Variants in SYVN1 observed in about 807,000 individuals in gnomAD.
SYVN1 encodes synoviolin 1.
SYVN1 carries 17 observed loss-of-function variants against 62.6 expected under a neutral mutation model. That is an observed-to-expected ratio of 0.27 (90% confidence interval 0.19 to 0.41). The LOEUF is 0.41. Ranked by LOEUF, SYVN1 falls within the 10% of genes least tolerant of loss-of-function variation. SYVN1 has a pLI of 1.00. For missense variants in SYVN1, 634 were observed against 818.0 expected (o/e 0.78, Z 2.74); for synonymous variants, 316 against 304.0 (o/e 1.04, Z -0.41).
chr11:65,130,964 C>T lies in SYVN1; in HGVS notation c.897G>A (p.Val299=), dbSNP rs1318486261. 1 of 1,614,060 alleles carries T rather than the reference C, an allele frequency of 6.2e-7. No homozygotes were observed. Among genetic ancestry groups the T allele is most frequent in the Non-Finnish European group, 8.5e-7 (1 of 1,180,002 alleles). The change falls in exon 10 of 16, where the codon GTG becomes GTA. Residue 299 remains valine (V), a synonymous_variant. Coordinates refer to ENST00000377190, the MANE Select transcript of SYVN1 (RefSeq NM_172230.3). Reference sequence around the variant, plus strand: ...TGCAGGGCAGTCTCTTGGCACCAGTCACCATCTCTTCTCGGCAGATGATGC... The same window carrying T: ...TGCAGGGCAGTCTCTTGGCACCAGTTACCATCTCTTCTCGGCAGATGATGC... ...NVCIICREEM[V]TGAKRLPCNH...
At chr11:65,130,224 T>G in intron 12 of SYVN1, 27 bp downstream of exon 12, 1 of 1,609,752 alleles carries the variant, frequency 6.2e-7, no homozygotes, top group Admixed American at 1.7e-5. Context: ...TGCCGCCCCC[T>G]GGCTGTCACA....
rs1277728488 is a variant in SYVN1 at position 65,130,170 on chromosome 11, G to A, written c.1240C>T (p.Leu414Phe). The A allele has an allele frequency of 6.2e-7, 1 of 1,605,170 alleles. No homozygotes were observed. Among genetic ancestry groups the A allele is most frequent in the Non-Finnish European group, 8.5e-7 (1 of 1,175,282 alleles). ...GTAGCTGCTCCACTGGGCCGAGAAA[G>A]GGCTGCTGAAGAGCAGGAACGAAGT... ...VAPPSTSAAA[L>F]SRPSGAATTT... The change falls in exon 13 of 16, where the codon CTT (leucine) becomes TTT (phenylalanine). Residue 414 changes from leucine (L) to phenylalanine (F), a missense_variant. Coordinates refer to ENST00000377190, the MANE Select transcript of SYVN1 (RefSeq NM_172230.3).
Position 65,128,707 on chromosome 11 carries a change from G to C in SYVN1, c.1603C>G (p.Arg535Gly), listed in dbSNP as rs562685230. 6.2e-7 allele frequency: 1 copy of C among 1,601,858 alleles called. No individual in the cohort carries two copies. Among genetic ancestry groups the C allele is most frequent in the Non-Finnish European group, 8.5e-7 (1 of 1,173,896 alleles). The change falls in exon 15 of 16, where the codon CGG becomes GGG. Residue 535 changes from arginine (R) to glycine (G), a missense_variant. Arg to Gly is a moderately radical substitution (Grantham distance 125, BLOSUM62 -2). This residue lies in a region of SYVN1 where 351 missense variants were observed against 373.3 expected (regional missense o/e 0.94). Coordinates refer to ENST00000377190, the MANE Select transcript of SYVN1 (RefSeq NM_172230.3). ...GTGGAGTTGACTGAAGTGGCAGGCC[G>C]GGGGGGCCTGGGAAGAGAAGGGACG... The part of the protein sequence containing the change: ...LTVLASLGPP[R>G]PATSVNSTEE...
At chr11:65,132,008 C>T (rs2137249237) in intron 6 of SYVN1, among the ~76,000 whole-genome samples, 1 of 152,244 alleles carries the variant, frequency 6.6e-6, no homozygotes, top group Middle Eastern at 3.4e-3. Flanking sequence ...GCACGAGCCT[C>T]CAGGAACCCT....
chr11:65,128,292 A>C lies in SYVN1; in HGVS notation c.*90T>G. ...AGCTGGGGGTACTACTCCCTGGTGC[A>C]GACAGAGAGGGAGCTGGCACTTGGT... On this transcript the variant is annotated 3_prime_UTR_variant, in exon 16 of 16. Transcript: ENST00000377190. 1 of 1,075,822 alleles carries C rather than the reference A, an allele frequency of 9.3e-7. No individual in the cohort carries two copies. Among genetic ancestry groups the C allele is most frequent in the Non-Finnish European group, 1.4e-6 (1 of 725,176 alleles). The allele number at this position is 1,075,822 out of a possible 1,614,324, so 66.6% of individuals were successfully genotyped here. A position where few individuals can be genotyped will look rare whatever the true frequency, so the allele number is the denominator to read the frequency against.
At position 65,130,074 on chromosome 11, in the gene SYVN1, G is replaced by A; in HGVS notation, c.1336C>T (p.Pro446Ser). The A allele has an allele frequency of 1.9e-6, 3 of 1,609,060 alleles. No individual in the cohort carries two copies. Among genetic ancestry groups the A allele is most frequent in the Non-Finnish European group, 2.5e-6 (3 of 1,177,372 alleles). Residue 446 changes from proline to serine, a missense_variant, in exon 13 of 16, where the codon CCA becomes TCA. Coordinates refer to ENST00000377190, the MANE Select transcript of SYVN1 (RefSeq NM_172230.3). The part of the protein sequence containing the change: ...TASGPGSGSA[P>S]EAGPAPGFPF... Reference sequence around the variant, plus strand: ...AAACCAGGGGCAGGGCCAGCCTCTGGGGCAGAGCCAGAGCCTGGGCCAGAT... The same window carrying A: ...AAACCAGGGGCAGGGCCAGCCTCTGAGGCAGAGCCAGAGCCTGGGCCAGAT...
chr11:65,128,518 T>C (rs768150622), intron 15 of SYVN1, 30 bp from the exon 16 acceptor site: 3 of 1,613,296 alleles, frequency 1.9e-6, no homozygotes, highest in Non-Finnish European at 1.7e-6. Flanking sequence ...AAGTGGAACC[T>C]AGAGAAGTTC....
intron 7 of SYVN1, 23 bp downstream of exon 7, chr11:65,131,447 G>T (rs1341904821): frequency 1.2e-6 from 2 of 1,613,872 alleles, no homozygotes; most frequent in African/African-American, 2.7e-5. Context: ...GTCCAGATCA[G>T]GAGAGGCCCA....
At chr11:65,131,087 ACC>A in intron 9 of SYVN1, 43 bp downstream of exon 9, 1 of 1,613,754 alleles carries the variant, frequency 6.2e-7, no homozygotes, top group Non-Finnish European at 8.5e-7. Context: ...AAGCAGAGGG[ACC>A]CAGGACCGAG....
intron 5 of SYVN1, 142 bp from the exon 6 acceptor site, chr11:65,132,493 C>T: frequency 1.3e-6 from 1 of 756,180 alleles, no homozygotes; most frequent in Non-Finnish European, 2.2e-6. Flanking sequence ...GAACCTGGCC[C>T]TCTGGGAACT....
Position 65,130,801 on chromosome 11 carries a change from G to A in SYVN1, c.964C>T (p.Arg322Trp), listed in dbSNP as rs1284078342. Reference protein sequence around the residue: ...HTSCLRSWFQRQQTCPTCRMD... With the variant: ...HTSCLRSWFQWQQTCPTCRMD... Reference sequence around the variant, plus strand: ...CGGCAGGTGGGGCAGGTCTGCTGCCGCTGGAACCAGGAGCGCAGGCAGCTG... The same window carrying A: ...CGGCAGGTGGGGCAGGTCTGCTGCCACTGGAACCAGGAGCGCAGGCAGCTG... The change falls in exon 11 of 16, where the codon CGG (arginine) becomes TGG (tryptophan). Residue 322 changes from arginine (R) to tryptophan (W), a missense_variant. Physicochemically the swap from Arg to Trp is moderately radical, Grantham distance 101 (BLOSUM62 -3). Around this residue, in one of 2 missense-constraint regions of SYVN1, gnomAD observed 283 missense variants for 444.7 expected, o/e 0.64. Transcript: ENST00000377190. The A allele has an allele frequency of 4.5e-6, 7 of 1,553,592 alleles. No homozygotes were observed. The highest frequency in any genetic ancestry group is 5.2e-6 in the Non-Finnish European group (6 of 1,155,472).
chr11:65,132,519 A>T (rs1164776340), intron 5 of SYVN1, 168 bp from the exon 6 acceptor site: 11 of 748,942 alleles, frequency 1.5e-5, no homozygotes. Context: ...GGGGAGGGGG[A>T]GTTGTTGGGG....
Position 65,130,067 on chromosome 11 carries a change from G to A in SYVN1, c.1343C>T (p.Ala448Val). ...GAAGGGGAAACCAGGGGCAGGGCCA[G>A]CCTCTGGGGCAGAGCCAGAGCCTGG... Reference protein sequence around the residue: ...SGPGSGSAPEAGPAPGFPFPP... With the variant: ...SGPGSGSAPEVGPAPGFPFPP... The change falls in exon 13 of 16, where the codon GCT (alanine) becomes GTT (valine). Residue 448 changes from alanine to valine, a missense_variant. Coordinates refer to ENST00000377190, the MANE Select transcript of SYVN1 (RefSeq NM_172230.3). 6.8e-6 allele frequency: 11 copies of A among 1,607,740 alleles called. No homozygotes were observed. The highest frequency in any genetic ancestry group is 1.1e-5 in the South Asian group (1 of 90,226).
At chr11:65,132,094 G>C (rs997324340) in intron 6 of SYVN1, among the ~76,000 whole-genome samples, 154 bp downstream of exon 6, 2 of 152,184 alleles carry the variant, frequency 1.3e-5, no homozygotes, top group Admixed American at 6.5e-5. Context: ...AGGAGTGAGC[G>C]TGTGGAGGGC....
Position 65,129,388 on chromosome 11 carries a change from A to C in SYVN1, c.1595+341T>G, listed in dbSNP as rs150928595. 283 of 225,566 alleles carry C rather than the reference A, an allele frequency of 1.3e-3. 3 individuals are homozygous for C. Among genetic ancestry groups the C allele is most frequent in the African/African-American group, 5.7e-3 (255 of 44,440 alleles). 14.0% of individuals were successfully genotyped at this position (225,566 alleles called of 1,614,324 possible). Reference sequence around the variant, plus strand: ...TTATTCGCTCCCTCAGTTTGGGGGCAGCAATTGCCAATCTAAGTGTCACCA... The same window carrying C: ...TTATTCGCTCCCTCAGTTTGGGGGCCGCAATTGCCAATCTAAGTGTCACCA... On this transcript the variant is annotated intron_variant, in intron 14 of 15. Coordinates refer to ENST00000377190, the MANE Select transcript of SYVN1 (RefSeq NM_172230.3).
intron 5 of SYVN1, 183 bp from the exon 6 acceptor site, chr11:65,132,534 C>G (rs1370276000): frequency 1.3e-6 from 1 of 782,512 alleles, no homozygotes; most frequent in Non-Finnish European, 2.1e-6. Context: ...TTGGGGCTGC[C>G]CAGGCTGCAG....
At chr11:65,131,707 C>G (rs1451499070) in intron 6 of SYVN1, 111 bp from the exon 7 acceptor site, 1 of 1,338,134 alleles carries the variant, frequency 7.5e-7, no homozygotes, top group African/African-American at 1.4e-5. Flanking sequence ...ATCACAGGCT[C>G]TAGACACACC....
chr11:65,128,488 G>A lies in SYVN1; in HGVS notation c.1748C>T (p.Ala583Val), dbSNP rs757048950. The change falls in exon 16 of 16, where the codon GCT becomes GTT. Residue 583 changes from alanine to valine, a missense_variant and splice_region_variant. By Grantham distance (64) the Ala-to-Val change is moderately conservative. This residue lies in a region of SYVN1 where 351 missense variants were observed against 373.3 expected (regional missense o/e 0.94). Coordinates refer to ENST00000377190, the MANE Select transcript of SYVN1 (RefSeq NM_172230.3). ...PPAPEMERPP[A>V]PESVGTEEMP... ...CTCCTCTGTGCCCACTGACTCAGGA[G>A]CTGGGGACAGAGAGACTGGAAGTGG... is the stretch of plus-strand genomic sequence containing the variant. The A allele has an allele frequency of 2.7e-5, 43 of 1,613,732 alleles. No homozygotes were observed. Among genetic ancestry groups the A allele is most frequent in the Non-Finnish European group, 3.6e-5 (42 of 1,179,842 alleles).
chr11:65,133,394 C>T, intron 2 of SYVN1, 76 bp downstream of exon 2: 5 of 1,594,242 alleles, frequency 3.1e-6, no homozygotes, highest in Non-Finnish European at 4.3e-6. Flanking sequence ...TACCTGACCT[C>T]TAGCCCCGCC....
Sources: allele counts gnomAD v4.1 joint callset (sites outside exome capture counted in the v4.1 genomes callset), GRCh38; gene constraint gnomAD v4.1.1; regional missense constraint gnomAD v4.1.1; transcripts MANE v1.5; gene names NCBI Gene and HGNC (gene_info 2026-07-23, HGNC 2026-07-21).